The following JAK1 variants were observed in gnomAD, a reference collection of about 807,000 sequenced individuals.
JAK1 encodes Janus kinase 1, also known as tyrosine-protein kinase JAK1.
A neutral mutation model predicts 136.6 loss-of-function variants in JAK1; 16 were observed. The observed-to-expected ratio is 0.12, with a 90% CI of 0.08 to 0.18. The LOEUF (loss-of-function observed/expected upper bound fraction) is 0.18. Among genes scored for constraint, JAK1 ranks in the 10% least tolerant of loss-of-function variants. The pLI is 1.00. For missense variants in JAK1, 859 were observed against 1,450.1 expected (o/e 0.59, Z 6.62); for synonymous variants, 492 against 519.5 (o/e 0.95, Z 0.72).
chr1:65,032,530 A>C (rs78154548), intron 2 of JAK1, among the ~76,000 whole-genome samples: 1 of 152,202 alleles, frequency 6.6e-6, no homozygotes. Flanking sequence ...AACAAAAAAA[A>C]CAGGCTAAAG....
At chr1:65,033,851 AG>A (rs1197360314) in intron 2 of JAK1, among the ~76,000 whole-genome samples, 1 of 152,122 alleles carries the variant, frequency 6.6e-6, no homozygotes, top group Non-Finnish European at 1.5e-5. Flanking sequence ...AGCAATTTAG[AG>A]TGTGTGATTT....
chr1:65,014,426 GAA>G (rs933569183), intron 2 of JAK1, among the ~76,000 whole-genome samples: 17 of 150,524 alleles, frequency 1.1e-4, no homozygotes, highest in African/African-American at 3.7e-4. Flanking sequence ...AGAAAAGAAA[GAA>G]AGAGAGAATG....
At chr1:64,841,659 C>A in intron 17 of JAK1, 58 bp from the exon 18 acceptor site, 7 of 1,586,250 alleles carry the variant, frequency 4.4e-6, no homozygotes, top group Non-Finnish European at 6.0e-6. Context: ...AACTTCTCAG[C>A]CCCAGGTCAG....
chr1:64,936,114 C>G (rs1359535110), intron 1 of JAK1, among the ~76,000 whole-genome samples: 2 of 152,152 alleles, frequency 1.3e-5, no homozygotes, highest in African/African-American at 4.8e-5. Flanking sequence ...AATAAAACTC[C>G]TTCATTGACT....
chr1:64,851,957 A>G (rs944886186), intron 11 of JAK1, among the ~76,000 whole-genome samples: 2 of 152,210 alleles, frequency 1.3e-5, no homozygotes, highest in Non-Finnish European at 2.9e-5. Context: ...TTCCTAAAAG[A>G]ACATCTGTAG....
chr1:64,910,972 T>G (rs1645275286), intron 1 of JAK1, among the ~76,000 whole-genome samples: 1 of 152,036 alleles, frequency 6.6e-6, no homozygotes, highest in Non-Finnish European at 1.5e-5. Flanking sequence ...CTGGGGTTCC[T>G]CTGTCCTCTG....
intron 1 of JAK1, among the ~76,000 whole-genome samples, chr1:64,953,107 C>A (rs1456847862): frequency 6.6e-6 from 1 of 152,140 alleles, no homozygotes; most frequent in Non-Finnish European, 1.5e-5. Context: ...ATCAGAGGTT[C>A]ATAACTTGAA....
intron 2 of JAK1, chr1:64,992,127 C>T (rs1037611036): frequency 6.6e-6 from 1 of 152,212 alleles, no homozygotes; most frequent in Non-Finnish European, 1.5e-5. Context: ...ACACCAAAAT[C>T]TCAGCACTTT....
chr1:64,890,316 C>T lies in JAK1; in HGVS notation c.-77-3975G>A, dbSNP rs1033344988. 3.3e-5 allele frequency among the ~76,000 whole-genome samples: 5 copies of T among 150,682 alleles called. No homozygotes were observed. The South Asian group carries it at 6.2e-4, about 19-fold the overall frequency. ...AAATTAGGTGATCAAGAAGTATGTT[C>T]GGTAACAGCTGTAAATGAAAGATGA... On this transcript the variant is annotated intron_variant, in intron 1 of 24. Transcript: ENST00000342505.
rs1654764588 is a variant in JAK1 at position 64,839,679 on chromosome 1, C to A, written c.2766G>T (p.Leu922=). The A allele has an allele frequency of 6.2e-7, 1 of 1,614,076 alleles. No homozygotes were observed. Among genetic ancestry groups the A allele is most frequent in the Admixed American group, 1.7e-5 (1 of 60,006 alleles). The change falls in exon 20 of 25, where the codon CTG becomes CTT. Residue 922 remains leucine, a synonymous_variant. Coordinates refer to ENST00000342505, the MANE Select transcript of JAK1 (RefSeq NM_002227.4). Reference sequence around the variant, plus strand: ...TCCTTAAGATCTCGATTTCCTTTTTCAGATCAGCTATGTGGTTACCTCCAC... The same window carrying A: ...TCCTTAAGATCTCGATTTCCTTTTTAAGATCAGCTATGTGGTTACCTCCAC... ...PESGGNHIAD[L]KKEIEILRNL...
intron 1 of JAK1, among the ~76,000 whole-genome samples, chr1:65,065,409 C>A (rs1321353139): frequency 6.6e-6 from 1 of 151,982 alleles, no homozygotes; most frequent in Non-Finnish European, 1.5e-5. Flanking sequence ...AATGAAAAGA[C>A]TGAGAAAAAG....
chr1:64,969,948 C>G (rs1164838623), upstream of JAK1, among the ~76,000 whole-genome samples: 2 of 151,870 alleles, frequency 1.3e-5, no homozygotes, highest in Non-Finnish European at 2.9e-5. Flanking sequence ...CCAGCTTGCG[C>G]AACATGGCAA....
At chr1:65,033,725 CAAAA>C (rs10700479) in intron 2 of JAK1, among the ~76,000 whole-genome samples, 2 of 89,250 alleles carry the variant, frequency 2.2e-5, no homozygotes, top group Non-Finnish European at 2.3e-5. Context: ...CCCGTAGTAC[CAAAA>C]AAAAAAAAAA....
chr1:64,933,026 A>T (rs57096900), intron 1 of JAK1, among the ~76,000 whole-genome samples: 3,096 of 152,326 alleles, frequency 0.02, 116 homozygotes, highest in African/African-American at 0.071. Flanking sequence ...TCTCAAATAG[A>T]AAAGAACAGT....
chr1:64,892,548 T>C (rs1056046762), intron 1 of JAK1, among the ~76,000 whole-genome samples: 1 of 152,202 alleles, frequency 6.6e-6, no homozygotes, highest in African/African-American at 2.4e-5. Context: ...GCCTCCCAAA[T>C]TGTTAAGGTT....
chr1:64,878,495 G>A (rs913572674), intron 4 of JAK1, among the ~76,000 whole-genome samples: 10 of 144,686 alleles, frequency 6.9e-5, no homozygotes, highest in African/African-American at 2.3e-4. Flanking sequence ...AATGTTTCTC[G>A]AGCTTTTTAG....
At chr1:64,940,058 A>G (rs1484318151) in intron 1 of JAK1, among the ~76,000 whole-genome samples, 1 of 152,110 alleles carries the variant, frequency 6.6e-6, no homozygotes, top group African/African-American at 2.4e-5. Context: ...AAATACAAGT[A>G]ACTAGATGTC....
chr1:64,925,772 T>A (rs184611560), intron 1 of JAK1, among the ~76,000 whole-genome samples: 1 of 152,176 alleles, frequency 6.6e-6, no homozygotes, highest in Non-Finnish European at 1.5e-5. Flanking sequence ...AAATCCCTAC[T>A]TTACAGGGAA....
At chr1:64,889,682 T>G (rs989967460) in intron 1 of JAK1, among the ~76,000 whole-genome samples, 2 of 152,174 alleles carry the variant, frequency 1.3e-5, no homozygotes, top group African/African-American at 4.8e-5. Context: ...TGTCAGAAAT[T>G]TTTCCAAGAT....
Sources: allele counts gnomAD v4.1 joint callset (sites outside exome capture counted in the v4.1 genomes callset), GRCh38; gene constraint gnomAD v4.1.1; transcripts MANE v1.5; gene names NCBI Gene and HGNC (gene_info 2026-07-23, HGNC 2026-07-21).